Variants in ZZEF1 observed in about 807,000 individuals in gnomAD.
The protein encoded by ZZEF1 is zinc finger ZZ-type and EF-hand domain-containing protein 1.
ZZEF1 carries 157 observed loss-of-function variants against 342.8 expected under a neutral mutation model. That is an observed-to-expected ratio of 0.46 (90% CI 0.40 to 0.52). The LOEUF (loss-of-function observed/expected upper bound fraction) is 0.52, where lower values mean the gene tolerates loss of function less well. ZZEF1 is among the 20% of genes least tolerant of loss of function. The pLI, the probability that ZZEF1 is intolerant of heterozygous loss-of-function variation, is 0.00. For missense variants in ZZEF1, 3,480 were observed against 3,725.6 expected, an observed-to-expected ratio of 0.93 and a Z score of 1.72; for synonymous variants, 1,505 against 1,429.1, an observed-to-expected ratio of 1.05 and a Z score of -1.20.
intron 43 of ZZEF1, among the ~76,000 whole-genome samples, chr17:4,023,232 C>T (rs184362908): frequency 2.0e-5 from 3 of 152,286 alleles, no homozygotes; most frequent in East Asian, 3.9e-4. Context: ...CCTTATCTAT[C>T]GGTTCAAATT....
At chr17:4,130,595 C>T (rs368174042) in intron 1 of ZZEF1, among the ~76,000 whole-genome samples, 10 of 151,944 alleles carry the variant, frequency 6.6e-5, no homozygotes, top group Middle Eastern at 3.4e-3. Context: ...CTAAGGAAAC[C>T]GGGAGAGAAA....
chr17:4,087,786 ACACACACACACACACACAC>A (rs2057863908), intron 13 of ZZEF1, among the ~76,000 whole-genome samples: 1 of 20,756 alleles, frequency 4.8e-5, no homozygotes, highest in Non-Finnish European at 1.6e-4. Context: ...TACACACAAC[ACACACACACACACACACAC>A]ACACACACAC....
At chr17:4,098,924 T>TG (rs1217461437) in intron 9 of ZZEF1, among the ~76,000 whole-genome samples, 1 of 152,210 alleles carries the variant, frequency 6.6e-6, no homozygotes, top group Non-Finnish European at 1.5e-5. Context: ...TCCCAATTAT[T>TG]GAACTCTTAC....
Position 4,081,399 on chromosome 17 carries a change from G to C in ZZEF1, c.2806C>G (p.Leu936Val). The C allele has an allele frequency of 6.2e-7, 1 of 1,613,754 alleles. No individual in the cohort carries two copies. Among genetic ancestry groups the C allele is most frequent in the Non-Finnish European group, 8.5e-7 (1 of 1,180,010 alleles). Residue 936 changes from leucine (L) to valine (V), a missense_variant, in exon 18 of 55, where the codon CTC becomes GTC. Physicochemically the swap from Leu to Val is conservative, Grantham distance 32. Coordinates refer to ENST00000381638, the MANE Select transcript of ZZEF1 (RefSeq NM_015113.4). ...ACCTCTCGAGCAGCAACAGAGACGA[G>C]AGTGTCCATGACCGCCAGGACTTCA... ...ISEVLAVMDT[L>V]VSVAARECEL...
Position 4,096,610 on chromosome 17 carries a change from A to G in ZZEF1, c.1763T>C (p.Met588Thr), listed in dbSNP as rs765289098. ...SAFQVTQIRIMVRRGGIGAQC... is the reference protein window; with the variant it reads ...SAFQVTQIRITVRRGGIGAQC... ...TAAAGAAGGTAGCACGAAAATTACC[A>G]TAATTCTTATCTGTGTAACTTGGAA... The change falls in exon 10 of 55, where the codon ATG becomes ACG. Residue 588 changes from methionine to threonine, a missense_variant and splice_region_variant. By Grantham distance (81) the Met-to-Thr change is moderately conservative. Around this residue, in one of 5 missense-constraint regions of ZZEF1, gnomAD observed 1,528 missense variants for 1,624.1 expected, o/e 0.94. Transcript: ENST00000381638. The G allele has an allele frequency of 4.3e-6, 7 of 1,613,582 alleles. No individual in the cohort carries two copies. The highest frequency in any genetic ancestry group is 3.3e-4 in the Middle Eastern group (2 of 6,056).
chr17:4,112,880 C>A, intron 4 of ZZEF1, 72 bp from the exon 5 acceptor site: 1 of 1,302,628 alleles, frequency 7.7e-7, no homozygotes, highest in Non-Finnish European at 1.0e-6. Context: ...AGAAGTCCCA[C>A]CTCAAAGAGC....
At chr17:4,105,000 G>A (rs533309627) in intron 7 of ZZEF1, among the ~76,000 whole-genome samples, 189 bp from the exon 8 acceptor site, 1 of 152,110 alleles carries the variant, frequency 6.6e-6, no homozygotes, top group South Asian at 2.1e-4. Context: ...GAGAGCCAGG[G>A]AATGAAAGCC....
At chr17:4,044,466 A>G in intron 37 of ZZEF1, 92 bp from the exon 38 acceptor site, 1 of 1,236,642 alleles carries the variant, frequency 8.1e-7, no homozygotes, top group Non-Finnish European at 1.1e-6. Context: ...GCCAGTCTTC[A>G]TAGACTAAAA....
At chr17:4,113,664 C>CAAA (rs147181504) in intron 4 of ZZEF1, among the ~76,000 whole-genome samples, 1 of 127,934 alleles carries the variant, frequency 7.8e-6, no homozygotes, top group Non-Finnish European at 1.7e-5. Context: ...GGCTCCATCT[C>CAAA]AAAAAAAAAA....
At position 4,107,677 on chromosome 17, in the gene ZZEF1, G is replaced by A. The variant is rs150962402; in HGVS notation, c.1278-1868C>T. Among the ~76,000 whole-genome samples the A allele has an allele frequency of 3.9e-4, 59 of 152,280 alleles. 1 individual carries two copies. The highest frequency in any genetic ancestry group is 2.5e-3 in the East Asian group (13 of 5,184). ...AATGGGACACTGGTTACATAGAGGC[G>A]AACTGAGTAAGTACAAAAAATGTAT... is the stretch of plus-strand genomic sequence containing the variant. On this transcript the variant is annotated intron_variant, in intron 6 of 54. Transcript: ENST00000381638.
At chr17:4,097,048 T>C (rs2058046512) in intron 9 of ZZEF1, among the ~76,000 whole-genome samples, 1 of 151,622 alleles carries the variant, frequency 6.6e-6, no homozygotes, top group Non-Finnish European at 1.5e-5. Flanking sequence ...GATCACGAGA[T>C]CAGGAGACGG....
intron 34 of ZZEF1, among the ~76,000 whole-genome samples, chr17:4,052,602 C>T (rs1216964253): frequency 6.6e-6 from 1 of 152,216 alleles, no homozygotes; most frequent in Non-Finnish European, 1.5e-5. Flanking sequence ...CGTTGTGGCT[C>T]ATGCCTGTAA....
intron 35 of ZZEF1, 110 bp from the exon 36 acceptor site, chr17:4,051,153 A>C: frequency 7.1e-7 from 1 of 1,412,864 alleles, no homozygotes. Flanking sequence ...GGCATTAGTC[A>C]CCTCTAGGAT....
In ZZEF1 at chr17:4,009,764, G is replaced by C. The variant is rs749503287; in HGVS notation, c.8580-7C>G. On this transcript the variant is annotated splice_polypyrimidine_tract_variant and splice_region_variant and intron_variant, in intron 52 of 54. Coordinates refer to ENST00000381638, the MANE Select transcript of ZZEF1 (RefSeq NM_015113.4). ...CGCAAGGTCACACAGGTCACTGCAG[G>C]AGGAGCCCCGGAGGTGGTCAGTTTA... The C allele has an allele frequency of 5.6e-6, 9 of 1,613,290 alleles. No individual in the cohort carries two copies. The East Asian group carries it at 2.0e-4, about 36-fold the overall frequency.
At chr17:4,049,660 C>T (rs1439829339) in intron 37 of ZZEF1, 48 bp downstream of exon 37, 1 of 1,610,288 alleles carries the variant, frequency 6.2e-7, no homozygotes, top group Admixed American at 1.7e-5. Context: ...GAATGGCTCT[C>T]TCTAGAGTTC....
rs557838896 is a variant in ZZEF1 at position 4,093,296 on chromosome 17, A to G, written c.1914-2466T>C. Among the ~76,000 whole-genome samples the G allele has an allele frequency of 7.2e-5, 11 of 152,354 alleles. No homozygotes were observed. The South Asian group carries it at 2.3e-3, about 32-fold the overall frequency. ...AAAAGCAGTGTTTAAAAAGGCATAC[A>G]CGTGTAACGGAAGGGAGATTTTAGG... On this transcript the variant is annotated intron_variant, in intron 11 of 54. Coordinates refer to ENST00000381638, the MANE Select transcript of ZZEF1 (RefSeq NM_015113.4).
intron 17 of ZZEF1, 147 bp from the exon 18 acceptor site, chr17:4,081,637 A>T: frequency 1.5e-6 from 1 of 658,350 alleles, no homozygotes; most frequent in Non-Finnish European, 2.6e-6. Context: ...CAGGCTGTGG[A>T]CCCAGCTGGG....
chr17:4,046,445 G>A (rs1003227517), intron 37 of ZZEF1, among the ~76,000 whole-genome samples: 1 of 152,202 alleles, frequency 6.6e-6, no homozygotes, highest in Non-Finnish European at 1.5e-5. Flanking sequence ...CCAGCTTCAG[G>A]TCTGAGAAGG....
chr17:4,062,856 T>A lies in ZZEF1; in HGVS notation c.4780A>T (p.Ile1594Leu), dbSNP rs138097259. ...AGGGATTCTGCACAGTGCTGAGTTA[T>A]CTTCAGGACTTCCAGGATGCTCTGG... ...QAQSILEVLKITQHCAESLGQ... is the reference protein window; with the variant it reads ...QAQSILEVLKLTQHCAESLGQ... The change falls in exon 30 of 55, where the codon ATA becomes TTA. Residue 1594 changes from isoleucine to leucine, a missense_variant. This residue lies in a region of ZZEF1 where 1,528 missense variants were observed against 1,624.1 expected (regional missense o/e 0.94). Transcript: ENST00000381638. 6.2e-7 allele frequency: 1 copy of A among 1,613,324 alleles called. No individual in the cohort carries two copies. Among genetic ancestry groups the A allele is most frequent in the Admixed American group, 1.7e-5 (1 of 60,010 alleles).
Sources: gnomAD v4.1 joint callset for allele counts (sites outside exome capture counted in the v4.1 genomes callset) on GRCh38, gnomAD v4.1.1 for gene constraint, gnomAD v4.1.1 regional missense constraint, MANE v1.5 for transcripts, NCBI Gene and HGNC (gene_info 2026-07-23, HGNC 2026-07-21) for gene names.